Variants in ICA1 observed in about 807,000 individuals in gnomAD.
ICA1 encodes 69 kDa islet cell autoantigen.
A neutral mutation model predicts 71.0 loss-of-function variants in ICA1; 40 were observed. The ratio of observed to expected loss-of-function variants is 0.56; its 90% CI spans 0.44 to 0.73. The LOEUF (loss-of-function observed/expected upper bound fraction) is 0.73, where lower values mean the gene tolerates loss of function less well. ICA1 is among the 30% of genes least tolerant of loss of function. The pLI, the probability that ICA1 is intolerant of heterozygous loss-of-function variation, is 0.00. For missense variants in ICA1, 578 were observed against 576.5 expected, an observed-to-expected ratio of 1.00 and a Z score of -0.03; for synonymous variants, 207 against 209.5, an observed-to-expected ratio of 0.99 and a Z score of 0.10.
At chr7:8,219,470 C>T (rs997867100) in intron 5 of ICA1, among the ~76,000 whole-genome samples, 1 of 152,188 alleles carries the variant, frequency 6.6e-6, no homozygotes. Flanking sequence ...GCGTGTAGCA[C>T]GGTAAGATTA....
At chr7:8,244,598 A>G (rs1422661525) in intron 1 of ICA1, among the ~76,000 whole-genome samples, 1 of 152,356 alleles carries the variant, frequency 6.6e-6, no homozygotes, top group East Asian at 1.9e-4. Flanking sequence ...CAGCAAAAGA[A>G]ACTGCCATCA....
At chr7:8,209,822 G>C (rs1398084310) in intron 6 of ICA1, among the ~76,000 whole-genome samples, 1 of 152,200 alleles carries the variant, frequency 6.6e-6, no homozygotes, top group Non-Finnish European at 1.5e-5. Context: ...TTTCTGGTGG[G>C]AGAAACAGAG....
intron 1 of ICA1, among the ~76,000 whole-genome samples, chr7:8,241,787 T>C (rs192284110): frequency 6.6e-6 from 1 of 152,230 alleles, no homozygotes; most frequent in African/African-American, 2.4e-5. Flanking sequence ...TAAAACATAC[T>C]TTAAACCAAC....
chr7:8,155,592 G>T (rs1801209561), intron 8 of ICA1, among the ~76,000 whole-genome samples: 1 of 152,104 alleles, frequency 6.6e-6, no homozygotes, highest in East Asian at 1.9e-4. Flanking sequence ...CTAACTGGTT[G>T]GTGTATGTAA....
chr7:8,174,771 A>AAAAAAAAAAAAAACC (rs1554310916), intron 6 of ICA1, among the ~76,000 whole-genome samples: 5 of 106,036 alleles, frequency 4.7e-5, no homozygotes, highest in African/African-American at 1.6e-4. Context: ...AAAAAAAAAA[A>AAAAAAAAAAAAAACC]AAAAAAAACA....
intron 6 of ICA1, among the ~76,000 whole-genome samples, chr7:8,189,492 A>G (rs1452088690): frequency 2.0e-5 from 3 of 152,170 alleles, no homozygotes; most frequent in African/African-American, 7.2e-5. Context: ...CAGCCCCCAC[A>G]GTCATTCTAA....
At chr7:8,186,725 A>G (rs1197272433) in intron 6 of ICA1, among the ~76,000 whole-genome samples, 1 of 152,232 alleles carries the variant, frequency 6.6e-6, no homozygotes, top group African/African-American at 2.4e-5. Context: ...AGGGTAAGAT[A>G]TCACAAGTGT....
At chr7:8,125,690 T>C (rs1006785053) in intron 13 of ICA1, among the ~76,000 whole-genome samples, 7 of 152,260 alleles carry the variant, frequency 4.6e-5, no homozygotes, top group African/African-American at 1.7e-4. Context: ...TTGTCTGTTT[T>C]GTCCTCAGCT....
At chr7:8,239,207 A>ATT (rs1438598763) in intron 1 of ICA1, among the ~76,000 whole-genome samples, 1 of 152,222 alleles carries the variant, frequency 6.6e-6, no homozygotes, top group Non-Finnish European at 1.5e-5. Flanking sequence ...AAACATCTTA[A>ATT]GATTTCCTGA....
intron 8 of ICA1, among the ~76,000 whole-genome samples, chr7:8,153,343 G>A (rs1292141294): frequency 2.0e-5 from 3 of 152,126 alleles, no homozygotes; most frequent in Non-Finnish European, 4.4e-5. Flanking sequence ...AGGAGGACAG[G>A]CCCCTGGATG....
chr7:8,188,294 T>C (rs1784502154), intron 6 of ICA1, among the ~76,000 whole-genome samples: 2 of 152,184 alleles, frequency 1.3e-5, no homozygotes, highest in African/African-American at 4.8e-5. Context: ...GTTTCTAAGT[T>C]TCATCATTTC....
chr7:8,236,628 T>C (rs1801930029), intron 1 of ICA1, among the ~76,000 whole-genome samples: 2 of 152,206 alleles, frequency 1.3e-5, no homozygotes, highest in Non-Finnish European at 2.9e-5. Context: ...AGGGTTGATA[T>C]GCTTGAATAA....
chr7:8,190,618 A>C (rs1211232962), intron 6 of ICA1, among the ~76,000 whole-genome samples: 1 of 152,214 alleles, frequency 6.6e-6, no homozygotes, highest in Non-Finnish European at 1.5e-5. Flanking sequence ...CTACAGAGGC[A>C]ATGTGTTTCT....
In ICA1 at chr7:8,225,932, C is replaced by T. The variant is rs144834499; in HGVS notation, c.256+2669G>A. On this transcript the variant is annotated intron_variant, in intron 4 of 13. Coordinates refer to ENST00000402384, the MANE Select transcript of ICA1 (RefSeq NM_001136020.3). ...AGAAACAAATTTACCAATGAGAGTA[C>T]GGCTTCCATGTATAATTATTTTTGT... 3.4e-4 allele frequency among the ~76,000 whole-genome samples: 52 copies of T among 152,256 alleles called. 1 individual carries two copies. In the East Asian group the frequency reaches 9.6e-3, roughly 28 times the overall value.
At position 8,113,479 on chromosome 7, in the gene ICA1, C is replaced by A. The variant is rs1223954963; in HGVS notation, c.*444G>T. ...AGGTGGCTTGGCAGGAAGAGGGAAT[C>A]TTCCTACAGCCCTCCTCCAAGGGGG... On this transcript the variant is annotated 3_prime_UTR_variant, in exon 14 of 14. Transcript: ENST00000402384. This position sits in a 1 kb window ranked among gnomAD's most constrained non-coding sequence, Gnocchi z 4.2. The A allele has an allele frequency of 6.4e-6, 1 of 156,678 alleles. No homozygotes were observed. Among genetic ancestry groups the A allele is most frequent in the African/African-American group, 2.4e-5 (1 of 41,530 alleles). The allele number at this position is 156,678 out of a possible 1,614,324, so 9.7% of individuals were successfully genotyped here.
At position 8,254,517 on chromosome 7, in the gene ICA1, G is replaced by A. The variant is rs144337332; in HGVS notation, c.-80+7577C>T. Among the ~76,000 whole-genome samples the A allele has an allele frequency of 5.8e-3, 864 of 148,376 alleles. 1 individual carries two copies. Among genetic ancestry groups the A allele is most frequent in the Non-Finnish European group, 7.8e-3 (529 of 67,414 alleles). On this transcript the variant is annotated intron_variant, in intron 1 of 13. Transcript: ENST00000402384. ...GCGTCTGCTGGGTCATCTAGTTGGCGTTATTTGAGAACTAATAAAGATCCC... is the reference window on the plus strand; with the variant it reads ...GCGTCTGCTGGGTCATCTAGTTGGCATTATTTGAGAACTAATAAAGATCCC...
At chr7:8,214,482 C>G (rs1218497828) in intron 6 of ICA1, among the ~76,000 whole-genome samples, 1 of 152,208 alleles carries the variant, frequency 6.6e-6, no homozygotes, top group South Asian at 2.1e-4. Flanking sequence ...CCCTTTAAAT[C>G]CATCCACCTT....
intron 1 of ICA1, among the ~76,000 whole-genome samples, chr7:8,246,404 G>T (rs1201874774): frequency 3.3e-5 from 5 of 152,164 alleles, no homozygotes; most frequent in Non-Finnish European, 5.9e-5. Flanking sequence ...GGAATGAGTT[G>T]GTGAGGAGGA....
chr7:8,142,009 T>C, intron 9 of ICA1, 192 bp from the exon 10 acceptor site: 2 of 1,489,912 alleles, frequency 1.3e-6, no homozygotes, highest in Non-Finnish European at 1.8e-6. Context: ...TGTAGCATCT[T>C]AATATCTGAA....
Sources: gnomAD v4.1 joint callset for allele counts (sites outside exome capture counted in the v4.1 genomes callset) on GRCh38, gnomAD v4.1.1 for gene constraint, Gnocchi (gnomAD v3.1) non-coding constraint, MANE v1.5 for transcripts, NCBI Gene and HGNC (gene_info 2026-07-23, HGNC 2026-07-21) for gene names.